Variants in BMPR1B observed in about 807,000 individuals in gnomAD.
The protein encoded by BMPR1B is bone morphogenetic protein receptor type 1B.
Under a neutral mutation model 59.1 loss-of-function variants are expected in BMPR1B, and 12 were observed. The ratio of observed to expected loss-of-function variants is 0.20; its 90% confidence interval spans 0.13 to 0.33. The LOEUF (loss-of-function observed/expected upper bound fraction) is 0.33. BMPR1B is among the 10% of genes least tolerant of loss of function. The pLI, the probability that BMPR1B is intolerant of heterozygous loss-of-function variation, is 1.00. For missense variants in BMPR1B, 550 were observed against 610.9 expected (o/e 0.90, Z 1.05); for synonymous variants, 237 against 207.3 (o/e 1.14, Z -1.23).
intron 1 of BMPR1B, among the ~76,000 whole-genome samples, chr4:94,772,843 C>T (rs1451713922): frequency 1.3e-5 from 2 of 152,026 alleles, no homozygotes; most frequent in Admixed American, 1.3e-4. Context: ...TTATGCATGT[C>T]AAGGGTATTT....
At chr4:94,984,637 A>G (rs758346450) in intron 2 of BMPR1B, among the ~76,000 whole-genome samples, 5 of 152,226 alleles carry the variant, frequency 3.3e-5, no homozygotes, top group Non-Finnish European at 5.9e-5. Context: ...ACATATTTTT[A>G]TCGTGTTTTT....
At chr4:94,810,497 C>A (rs192608527) in intron 1 of BMPR1B, among the ~76,000 whole-genome samples, 12 of 152,262 alleles carry the variant, frequency 7.9e-5, no homozygotes, top group African/African-American at 2.9e-4. Context: ...TGGAAACTTA[C>A]AGTAACTTGT....
intron 2 of BMPR1B, among the ~76,000 whole-genome samples, chr4:94,955,871 C>T (rs1431024647): frequency 2.6e-5 from 4 of 152,060 alleles, no homozygotes; most frequent in Non-Finnish European, 5.9e-5. Flanking sequence ...TCAGGTGATC[C>T]GCCTGCCTCG....
chr4:95,061,849 A>G (rs184910468), intron 3 of BMPR1B, among the ~76,000 whole-genome samples: 165 of 152,248 alleles, frequency 1.1e-3, no homozygotes, highest in African/African-American at 3.3e-3. Context: ...GTAATTCCCA[A>G]TGTTGGGGGA....
chr4:94,818,095 T>C (rs1339673537), intron 1 of BMPR1B, among the ~76,000 whole-genome samples: 1 of 152,206 alleles, frequency 6.6e-6, no homozygotes, highest in Admixed American at 6.5e-5. Context: ...TTCTGGATTA[T>C]TTTTTCAGTA....
chr4:95,006,179 G>T (rs909615811), intron 3 of BMPR1B, among the ~76,000 whole-genome samples: 2 of 152,016 alleles, frequency 1.3e-5, no homozygotes, highest in African/African-American at 4.8e-5. Flanking sequence ...GCTGAGGCGG[G>T]AGTATCCTTT....
intron 1 of BMPR1B, among the ~76,000 whole-genome samples, chr4:94,774,745 G>A (rs1230909697): frequency 6.6e-6 from 1 of 151,972 alleles, no homozygotes; most frequent in Non-Finnish European, 1.5e-5. Context: ...TTCCTGAATT[G>A]TTAGTGTGCT....
At chr4:94,783,500 G>A (rs1167895004) in intron 1 of BMPR1B, among the ~76,000 whole-genome samples, 2 of 152,120 alleles carry the variant, frequency 1.3e-5, no homozygotes, top group Non-Finnish European at 1.5e-5. Flanking sequence ...TGAGAATTTT[G>A]AAGCTCTCTG....
intron 1 of BMPR1B, among the ~76,000 whole-genome samples, chr4:94,831,000 T>C (rs1012932975): frequency 6.6e-6 from 1 of 152,080 alleles, no homozygotes; most frequent in Non-Finnish European, 1.5e-5. Context: ...CTACTAATTA[T>C]AAAAAAGAAA....
At chr4:94,856,641 C>T (rs1725765076) in intron 1 of BMPR1B, among the ~76,000 whole-genome samples, 2 of 152,202 alleles carry the variant, frequency 1.3e-5, no homozygotes, top group African/African-American at 2.4e-5. Flanking sequence ...TCATATCTTT[C>T]TACATTCTTG....
chr4:95,042,107 C>T (rs778942009), intron 3 of BMPR1B, among the ~76,000 whole-genome samples: 7 of 152,162 alleles, frequency 4.6e-5, no homozygotes, highest in Non-Finnish European at 7.4e-5. Context: ...CCACCCGCCT[C>T]GGCCTCCCAA....
intron 1 of BMPR1B, among the ~76,000 whole-genome samples, chr4:94,802,918 G>T (rs376990873): frequency 6.6e-6 from 1 of 152,132 alleles, no homozygotes; most frequent in Non-Finnish European, 1.5e-5. Context: ...AGATGGGGAG[G>T]TATGTGGGAT....
At chr4:95,030,041 A>G (rs1259549753) in intron 3 of BMPR1B, among the ~76,000 whole-genome samples, 5 of 151,394 alleles carry the variant, frequency 3.3e-5, no homozygotes, top group South Asian at 2.1e-4. Flanking sequence ...AGTAGGTTGC[A>G]AAAATTTTCT....
At chr4:95,039,529 T>C (rs528074351) in intron 3 of BMPR1B, among the ~76,000 whole-genome samples, 1 of 151,872 alleles carries the variant, frequency 6.6e-6, no homozygotes, top group Non-Finnish European at 1.5e-5. Flanking sequence ...AAGGCTTTAA[T>C]GAGATTACGA....
At chr4:94,758,387 A>AGCG (rs1015009653) in intron 1 of BMPR1B, among the ~76,000 whole-genome samples, 23 of 141,676 alleles carry the variant, frequency 1.6e-4, no homozygotes, top group African/African-American at 5.3e-4. Flanking sequence ...GAGTCGGGGC[A>AGCG]GCGGCGGCGG....
chr4:94,974,246 T>C (rs2149080052), intron 2 of BMPR1B, among the ~76,000 whole-genome samples: 1 of 152,368 alleles, frequency 6.6e-6, no homozygotes, highest in South Asian at 2.1e-4. Context: ...GCTCTTTGTA[T>C]TTTAAGGCCA....
intron 1 of BMPR1B, among the ~76,000 whole-genome samples, chr4:94,815,061 GC>G (rs556481314): frequency 1.4e-4 from 22 of 151,954 alleles, no homozygotes; most frequent in Non-Finnish European, 2.4e-4. Context: ...CTGCCACCAC[GC>G]CCGGCTAATT....
intron 2 of BMPR1B, among the ~76,000 whole-genome samples, chr4:94,925,975 C>G (rs2149029139): frequency 6.6e-6 from 1 of 151,016 alleles, no homozygotes; most frequent in South Asian, 2.1e-4. Flanking sequence ...CTCCCCTCCT[C>G]CCTTCCTCCC....
Position 94,976,766 on chromosome 4 carries a change from G to A in BMPR1B, c.-112-19274G>A, listed in dbSNP as rs538864000. On this transcript the variant is annotated intron_variant, in intron 2 of 12. Transcript: ENST00000515059. ...TCTATAGTTCTTTCTGTTCAAAAGG[G>A]GGAAAATGAGAGGCTGTTATATTCC... Among the ~76,000 whole-genome samples the A allele has an allele frequency of 2.6e-5, 4 of 152,240 alleles. No individual in the cohort carries two copies. In the South Asian group the frequency reaches 8.3e-4, roughly 32 times the overall value.
Sources: allele counts gnomAD v4.1 joint callset (sites outside exome capture counted in the v4.1 genomes callset), GRCh38; gene constraint gnomAD v4.1.1; transcripts MANE v1.5; gene names NCBI Gene and HGNC (gene_info 2026-07-23, HGNC 2026-07-21).